The following GABBR2 variants were observed in gnomAD, a reference collection of about 807,000 sequenced individuals.
GABBR2 encodes gamma-aminobutyric acid type B receptor subunit 2, also known as G-protein coupled receptor 51.
A neutral mutation model predicts 105.6 loss-of-function variants in GABBR2; 23 were observed. That is an observed-to-expected ratio of 0.22 (90% confidence interval 0.16 to 0.31). The LOEUF is 0.31. GABBR2 is among the 10% of genes least tolerant of loss of function. The pLI is 1.00. For synonymous variants in GABBR2, 478 were observed against 499.7 expected, an observed-to-expected ratio of 0.96 and a Z score of 0.58; for missense variants, 734 against 1,245.5, an observed-to-expected ratio of 0.59 and a Z score of 6.18.
chr9:98,640,781 G>A (rs990211477), intron 1 of GABBR2, among the ~76,000 whole-genome samples: 21 of 152,162 alleles, frequency 1.4e-4, no homozygotes, highest in African/African-American at 5.1e-4. Context: ...TCTGCAAGGT[G>A]AGAAGAATCA....
At chr9:98,563,420 G>A (rs967250575) in intron 2 of GABBR2, among the ~76,000 whole-genome samples, 1 of 152,226 alleles carries the variant, frequency 6.6e-6, no homozygotes, top group Non-Finnish European at 1.5e-5. Flanking sequence ...GGTTACGGAC[G>A]CATCCACCGG....
chr9:98,606,813 TA>T (rs1411677121), intron 1 of GABBR2: 292 of 327,060 alleles, frequency 8.9e-4, no homozygotes, highest in South Asian at 1.5e-3. Flanking sequence ...TTTCCTTTTT[TA>T]AAAAAAAAGT....
At chr9:98,565,045 G>T (rs1828731935) in intron 2 of GABBR2, among the ~76,000 whole-genome samples, 1 of 152,278 alleles carries the variant, frequency 6.6e-6, no homozygotes, top group South Asian at 2.1e-4. Flanking sequence ...TGGGGAGCAG[G>T]TTCTATGCCT....
At chr9:98,688,254 TA>T (rs1353405278) in intron 1 of GABBR2, among the ~76,000 whole-genome samples, 1 of 152,156 alleles carries the variant, frequency 6.6e-6, no homozygotes. Flanking sequence ...GGGGTGAATG[TA>T]ACAACAGGAA....
intron 7 of GABBR2, among the ~76,000 whole-genome samples, chr9:98,428,022 A>G (rs2076186653): frequency 6.6e-6 from 1 of 152,260 alleles, no homozygotes; most frequent in African/African-American, 2.4e-5. Context: ...CCTAACCCAC[A>G]GAAACTATGT....
At chr9:98,329,592 G>A (rs553680416) in intron 13 of GABBR2, among the ~76,000 whole-genome samples, 1 of 152,258 alleles carries the variant, frequency 6.6e-6, no homozygotes, top group East Asian at 1.9e-4. Context: ...TTGGGCCCCT[G>A]AGGCATCTCA....
chr9:98,393,333 A>T (rs1371829658), intron 9 of GABBR2, among the ~76,000 whole-genome samples: 1 of 150,760 alleles, frequency 6.6e-6, no homozygotes, highest in Non-Finnish European at 1.5e-5. Flanking sequence ...CCATCCAGGC[A>T]TCCACCCAAC....
chr9:98,479,299 C>T (rs1164213809), intron 5 of GABBR2, among the ~76,000 whole-genome samples: 1 of 152,178 alleles, frequency 6.6e-6, no homozygotes, highest in African/African-American at 2.4e-5. Flanking sequence ...GCTGAGGGTT[C>T]ACTGTACATG....
At chr9:98,590,956 A>T (rs1180893998) in intron 1 of GABBR2, among the ~76,000 whole-genome samples, 1 of 152,218 alleles carries the variant, frequency 6.6e-6, no homozygotes, top group Non-Finnish European at 1.5e-5. Flanking sequence ...GGTGATGAAG[A>T]ACCAGGTCTC....
rs370641749 is a variant in GABBR2, at chr9:98,606,948, C to T, written c.322-28876G>A. The T allele has an allele frequency of 1.2e-3, 871 of 717,644 alleles. 20 individuals are homozygous for T. The South Asian group carries it at 0.012, about 10-fold the overall frequency. The allele number at this position is 717,644 out of a possible 1,614,324, so 44.5% of individuals were successfully genotyped here. On this transcript the variant is annotated intron_variant, in intron 1 of 18. Transcript: ENST00000259455. ...CTAAGAATCATCTTCTTCCTGCTTG[C>T]CCGCGGCTCCGCCTGCATCCAAACC...
chr9:98,582,058 G>A (rs2779527), intron 1 of GABBR2, among the ~76,000 whole-genome samples: 55,442 of 152,066 alleles, frequency 0.36, 11,022 homozygotes, highest in East Asian at 0.61. Context: ...TGGGTGTGGC[G>A]GGCAAAGTTT....
chr9:98,543,491 G>C (rs1187528260), intron 2 of GABBR2, among the ~76,000 whole-genome samples: 1 of 151,962 alleles, frequency 6.6e-6, no homozygotes, highest in Non-Finnish European at 1.5e-5. Context: ...CTTAGTCTCC[G>C]GGGTAGCTGG....
At chr9:98,600,249 G>A (rs1403552228) in intron 1 of GABBR2, among the ~76,000 whole-genome samples, 3 of 152,158 alleles carry the variant, frequency 2.0e-5, no homozygotes, top group Non-Finnish European at 4.4e-5. Context: ...AGGCATCAGG[G>A]CTGCAAAGAT....
chr9:98,384,421 T>C (rs778979281), intron 11 of GABBR2, among the ~76,000 whole-genome samples: 2 of 152,016 alleles, frequency 1.3e-5, no homozygotes, highest in Non-Finnish European at 2.9e-5. Context: ...AGAAACCCCG[T>C]CTCTACTAAA....
intron 1 of GABBR2, chr9:98,607,145 C>T (rs1829437306): frequency 1.2e-6 from 2 of 1,609,860 alleles, no homozygotes; most frequent in South Asian, 1.1e-5. Flanking sequence ...AGGTGGTGTT[C>T]AGTTGCTGCT....
chr9:98,606,062 A>C (rs1018751998), intron 1 of GABBR2, among the ~76,000 whole-genome samples: 1 of 152,164 alleles, frequency 6.6e-6, no homozygotes, highest in African/African-American at 2.4e-5. Context: ...GCTGAGAATG[A>C]TAGCTTCCAG....
At chr9:98,460,411 G>A (rs1225671997) in intron 6 of GABBR2, among the ~76,000 whole-genome samples, 2 of 152,080 alleles carry the variant, frequency 1.3e-5, no homozygotes, top group African/African-American at 2.4e-5. Context: ...AGGTTTGTAT[G>A]TTCAAGAAAA....
chr9:98,422,351 T>C (rs1832796693), intron 7 of GABBR2, among the ~76,000 whole-genome samples: 1 of 152,202 alleles, frequency 6.6e-6, no homozygotes, highest in African/African-American at 2.4e-5. Context: ...TCTGGTGGGA[T>C]GTCACAGGAG....
intron 8 of GABBR2, among the ~76,000 whole-genome samples, 166 bp from the exon 9 acceptor site, chr9:98,394,421 C>T (rs1832250554): frequency 6.6e-6 from 1 of 152,208 alleles, no homozygotes; most frequent in Admixed American, 6.5e-5. Context: ...CTAACCTGAT[C>T]TAGGCTGGAA....
Sources: allele counts gnomAD v4.1 joint callset (sites outside exome capture counted in the v4.1 genomes callset), GRCh38; gene constraint gnomAD v4.1.1; transcripts MANE v1.5; gene names NCBI Gene and HGNC (gene_info 2026-07-23, HGNC 2026-07-21).